Variants in EIF4B observed in about 807,000 individuals in gnomAD.
The protein encoded by EIF4B is eukaryotic translation initiation factor 4B.
A neutral mutation model predicts 79.3 loss-of-function variants in EIF4B; 8 were observed. That is an observed-to-expected ratio of 0.10 (90% CI 0.06 to 0.18). EIF4B has a LOEUF of 0.18. Among genes scored for constraint, EIF4B ranks in the 10% least tolerant of loss-of-function variants. EIF4B has a pLI of 1.00. For missense variants in EIF4B, 515 were observed against 792.4 expected (o/e 0.65, Z 4.20); for synonymous variants, 238 against 274.7 (o/e 0.87, Z 1.32).
intron 8 of EIF4B, among the ~76,000 whole-genome samples, chr12:53,028,702 T>TA (rs1325097620): frequency 6.6e-6 from 1 of 152,148 alleles, no homozygotes; most frequent in African/African-American, 2.4e-5. Context: ...AGTTGCCAGA[T>TA]ACTGTTATGT....
chr12:53,036,286 G>C (rs543377560), intron 10 of EIF4B, among the ~76,000 whole-genome samples: 41 of 151,836 alleles, frequency 2.7e-4, no homozygotes, highest in African/African-American at 9.7e-4. Flanking sequence ...CTAATTTTTT[G>C]TATTTTTAGT....
At chr12:53,023,380 G>A (rs1053405119) in intron 6 of EIF4B, among the ~76,000 whole-genome samples, 5 of 151,740 alleles carry the variant, frequency 3.3e-5, no homozygotes, top group African/African-American at 4.8e-5. Flanking sequence ...CTACAGGCGC[G>A]CGCCACCACA....
At position 53,040,278 on chromosome 12, in the gene EIF4B, A is replaced by G; in HGVS notation, c.*55A>G. 1 of 1,478,984 alleles carries G rather than the reference A, an allele frequency of 6.8e-7. No homozygotes were observed. The highest frequency in any genetic ancestry group is 9.4e-7 in the Non-Finnish European group (1 of 1,062,686). The allele number at this position is 1,478,984 out of a possible 1,614,324, so 91.6% of individuals were successfully genotyped here. The stretch of plus-strand genomic sequence containing the variant: ...TTCTCTCCACCCTGGAACATTCGAG[A>G]GCAAATCAAAACCTCTATCCAGACA... On this transcript the variant is annotated 3_prime_UTR_variant, in exon 15 of 15. Coordinates refer to ENST00000262056, the MANE Select transcript of EIF4B (RefSeq NM_001417.7).
intron 8 of EIF4B, among the ~76,000 whole-genome samples, chr12:53,030,685 C>T (rs532703455): frequency 6.6e-6 from 1 of 152,054 alleles, no homozygotes; most frequent in South Asian, 2.1e-4. Flanking sequence ...GCTGGGATTA[C>T]AGGCGTGGGC....
At chr12:53,024,441 AACC>A (rs763185460) in intron 6 of EIF4B, among the ~76,000 whole-genome samples, 6 of 152,212 alleles carry the variant, frequency 3.9e-5, no homozygotes, top group African/African-American at 7.2e-5. Context: ...ATGGTAATTT[AACC>A]ACCCTTTTAA....
chr12:53,019,450 C>CTTTTCTT (rs1943208491), intron 3 of EIF4B, among the ~76,000 whole-genome samples: 21 of 66,004 alleles, frequency 3.2e-4, no homozygotes, highest in Admixed American at 6.3e-4. Context: ...TTTTTTTTTT[C>CTTTTCTT]TTTTTTTTTT....
At position 53,028,106 on chromosome 12, in the gene EIF4B, A is replaced by C; in HGVS notation, c.897A>C (p.Glu299Asp). The change falls in exon 8 of 15, where the codon GAA (glutamate) becomes GAC (aspartate). Residue 299 changes from glutamate (E) to aspartate (D), a missense_variant. Transcript: ENST00000262056. ...DDYRGGGDRY[E>D]DRYDRRDDRS... ...ACAGAGGAGGCGGGGACCGCTATGA[A>C]GACCGATATGACAGACGGGATGATC... 6.2e-7 allele frequency: 1 copy of C among 1,614,114 alleles called. No individual in the cohort carries two copies. Among genetic ancestry groups the C allele is most frequent in the South Asian group, 1.1e-5 (1 of 91,064 alleles).
chr12:53,029,591 G>T (rs1943399869), intron 8 of EIF4B, among the ~76,000 whole-genome samples: 1 of 152,116 alleles, frequency 6.6e-6, no homozygotes, highest in African/African-American at 2.4e-5. Flanking sequence ...GGCCAGGCTG[G>T]TCTCAATCTC....
chr12:53,017,742 C>T (rs1407453607), intron 2 of EIF4B, among the ~76,000 whole-genome samples: 8 of 152,006 alleles, frequency 5.3e-5, no homozygotes, highest in African/African-American at 2.4e-5. Context: ...TACAGGTGCC[C>T]GCCACCGCGC....
intron 13 of EIF4B, 27 bp downstream of exon 13, chr12:53,039,370 C>T (rs1251461501): frequency 5.3e-6 from 8 of 1,510,274 alleles, no homozygotes; most frequent in Non-Finnish European, 7.3e-6. Context: ...TCTCATCTTT[C>T]CTCTGATCCA....
At chr12:53,026,395 C>A (rs1943334772) in intron 6 of EIF4B, among the ~76,000 whole-genome samples, 1 of 152,142 alleles carries the variant, frequency 6.6e-6, no homozygotes, top group South Asian at 2.1e-4. Context: ...TCCTCTGATA[C>A]TGAAATGCAC....
chr12:53,035,427 G>A (rs1304478409), intron 10 of EIF4B, among the ~76,000 whole-genome samples: 3 of 151,264 alleles, frequency 2.0e-5, no homozygotes, highest in Non-Finnish European at 4.4e-5. Context: ...GGAGTGCAGT[G>A]GCGCGATCTC....
intron 6 of EIF4B, among the ~76,000 whole-genome samples, chr12:53,026,110 GAGAA>G (rs1010464401): frequency 4.6e-5 from 7 of 151,858 alleles, no homozygotes; most frequent in South Asian, 2.1e-4. Context: ...AAAAAAAAAA[GAGAA>G]AGAAAAAGAT....
chr12:53,012,886 G>T (rs1048435049), intron 1 of EIF4B, among the ~76,000 whole-genome samples: 27 of 152,270 alleles, frequency 1.8e-4, no homozygotes, highest in African/African-American at 6.5e-4. Flanking sequence ...GATTACAGGC[G>T]TGAGCCACCA....
chr12:53,022,591 T>C lies in EIF4B; in HGVS notation c.631T>C (p.Tyr211His), dbSNP rs776797893. The change falls in exon 6 of 15, where the codon TAC (tyrosine) becomes CAC (histidine). Residue 211 changes from tyrosine (Y) to histidine (H), a missense_variant. Physicochemically the swap from Tyr to His is moderately conservative, Grantham distance 83 (BLOSUM62 2). Coordinates refer to ENST00000262056, the MANE Select transcript of EIF4B (RefSeq NM_001417.7). ...ARPATDSFDD[Y>H]PPRRGDDSFG... ...TCCTGCTACAGACAGCTTTGATGAC[T>C]ACCCACCTAGAAGAGGTGATGATAG... 1 of 1,613,950 alleles carries C rather than the reference T, an allele frequency of 6.2e-7. No homozygotes were observed. Among genetic ancestry groups the C allele is most frequent in the South Asian group, 1.1e-5 (1 of 91,064 alleles).
intron 1 of EIF4B, 45 bp downstream of exon 1, chr12:53,006,541 C>G (rs374752744): frequency 1.2e-6 from 2 of 1,613,082 alleles, no homozygotes; most frequent in South Asian, 2.2e-5. Flanking sequence ...CTCTGAAACC[C>G]CCCTCCGAGC....
At chr12:53,039,946 G>A in intron 14 of EIF4B, 197 bp from the exon 15 acceptor site, 1 of 709,154 alleles carries the variant, frequency 1.4e-6, no homozygotes, top group African/African-American at 1.8e-5. Context: ...TGTAGAGGTG[G>A]TATGAGACTA....
rs374751220 is a variant in EIF4B at position 53,028,207 on chromosome 12, C to T, written c.979+19C>T. The T allele has an allele frequency of 8.1e-5, 125 of 1,549,656 alleles. No individual in the cohort carries two copies. In the African/African-American group the frequency reaches 1.1e-3, roughly 13 times the overall value. ...GATAGAGGTAATAGTTTTCTTTTTACGTACTTCATGGAGCAGAAACTGGGA... is the reference window on the plus strand; with the variant it reads ...GATAGAGGTAATAGTTTTCTTTTTATGTACTTCATGGAGCAGAAACTGGGA... On this transcript the variant is annotated intron_variant, in intron 8 of 14. Coordinates refer to ENST00000262056, the MANE Select transcript of EIF4B (RefSeq NM_001417.7).
chr12:53,009,034 C>CA (rs937645622), intron 1 of EIF4B, among the ~76,000 whole-genome samples: 19 of 151,028 alleles, frequency 1.3e-4, no homozygotes, highest in Admixed American at 6.6e-4. Flanking sequence ...GACTCCATTT[C>CA]AAAAAAAAAT....
Sources: allele counts gnomAD v4.1 joint callset (sites outside exome capture counted in the v4.1 genomes callset), GRCh38; gene constraint gnomAD v4.1.1; transcripts MANE v1.5; gene names NCBI Gene and HGNC (gene_info 2026-07-23, HGNC 2026-07-21).